The following ARHGAP39 variants were observed in gnomAD, a reference collection of about 807,000 sequenced individuals.
ARHGAP39 encodes the protein rho GTPase-activating protein 39.
Under a neutral mutation model 106.9 loss-of-function variants are expected in ARHGAP39, and 44 were observed. That is an observed-to-expected ratio of 0.41 (90% CI 0.32 to 0.53). ARHGAP39 has a LOEUF of 0.53. ARHGAP39 is among the 20% of genes least tolerant of loss of function. The probability of loss-of-function intolerance (pLI) is 0.21; values close to 1 mark genes in which losing one functional copy is unlikely to be tolerated. For synonymous variants in ARHGAP39, 768 were observed against 693.2 expected (o/e 1.11, Z -1.69); for missense variants, 1,496 against 1,577.3 (o/e 0.95, Z 0.87).
chr8:144,695,155 A>C, the ARHGAP39 span, among the ~76,000 whole-genome samples: 1 of 143,070 alleles, frequency 7.0e-6, no homozygotes, highest in Non-Finnish European at 1.5e-5. Flanking sequence ...GCTTACTGCA[A>C]GCTCCGCCTC....
chr8:144,581,389 T>G (rs11997029), intron 2 of ARHGAP39, 112 bp from the exon 3 acceptor site: 3 of 1,220,854 alleles, frequency 2.5e-6, no homozygotes, highest in Non-Finnish European at 3.4e-6. Context: ...AATCCTGTCA[T>G]AGAGGAAAGC....
intron 9 of ARHGAP39, 109 bp downstream of exon 9, chr8:144,533,017 G>A: frequency 1.5e-6 from 2 of 1,336,372 alleles, no homozygotes; most frequent in Non-Finnish European, 2.1e-6. Context: ...AGGTATGGGT[G>A]CGGAAGCAGC....
intron 1 of ARHGAP39, among the ~76,000 whole-genome samples, chr8:144,657,788 A>G (rs983940026): frequency 6.6e-5 from 10 of 152,346 alleles, no homozygotes; most frequent in Admixed American, 5.9e-4. Flanking sequence ...AAAATCCACC[A>G]TTTATTCTAA....
intron 4 of ARHGAP39, among the ~76,000 whole-genome samples, chr8:144,550,533 C>T (rs1817653051): frequency 6.6e-6 from 1 of 152,258 alleles, no homozygotes; most frequent in South Asian, 2.1e-4. Flanking sequence ...AGGCCACATT[C>T]CCCATTGCCT....
chr8:144,629,775 G>A (rs1489745936), intron 1 of ARHGAP39, among the ~76,000 whole-genome samples: 3 of 152,172 alleles, frequency 2.0e-5, no homozygotes, highest in Admixed American at 1.3e-4. Flanking sequence ...GGAAGAGGAG[G>A]AGGGCGCTGG....
intron 3 of ARHGAP39, among the ~76,000 whole-genome samples, chr8:144,568,333 CAAAAAAA>C (rs34670018): frequency 2.1e-5 from 1 of 47,294 alleles, no homozygotes; most frequent in East Asian, 9.0e-4. Context: ...GACTCTGTCT[CAAAAAAA>C]AAAAAAAAAA....
chr8:144,532,243 G>A (rs1816753951), intron 10 of ARHGAP39, 62 bp downstream of exon 10: 5 of 1,504,076 alleles, frequency 3.3e-6, no homozygotes, highest in Non-Finnish European at 4.6e-6. Flanking sequence ...CGGAGACAGG[G>A]GCCCCTGAGA....
chr8:144,627,706 C>T (rs1820961486), intron 1 of ARHGAP39, among the ~76,000 whole-genome samples: 1 of 152,010 alleles, frequency 6.6e-6, no homozygotes, highest in Admixed American at 6.6e-5. Flanking sequence ...TACAGTGAGC[C>T]GAAATGGTGC....
At chr8:144,630,782 C>T (rs1192447158) in intron 1 of ARHGAP39, among the ~76,000 whole-genome samples, 1 of 152,242 alleles carries the variant, frequency 6.6e-6, no homozygotes, top group Non-Finnish European at 1.5e-5. Flanking sequence ...CCTCCTCAGA[C>T]GCCAACCGGC....
chr8:144,619,939 CCT>C (rs761384054), intron 1 of ARHGAP39, among the ~76,000 whole-genome samples: 7 of 130,166 alleles, frequency 5.4e-5, no homozygotes, highest in East Asian at 4.9e-4. Context: ...AGCCTGTGTC[CCT>C]GAGAGCATGT....
intron 1 of ARHGAP39, among the ~76,000 whole-genome samples, chr8:144,652,944 GA>G (rs1294010666): frequency 6.6e-6 from 1 of 152,008 alleles, no homozygotes; most frequent in Non-Finnish European, 1.5e-5. Context: ...AGTAGCCAAG[GA>G]AAAGTCCAAT....
chr8:144,677,247 G>A (rs1051031641), intron 1 of ARHGAP39, among the ~76,000 whole-genome samples: 4 of 152,204 alleles, frequency 2.6e-5, no homozygotes, highest in Admixed American at 6.5e-5. Context: ...AAGCTTCTGC[G>A]TGGACGTGTA....
At chr8:144,696,158 T>A in the ARHGAP39 span, among the ~76,000 whole-genome samples, 1 of 152,070 alleles carries the variant, frequency 6.6e-6, no homozygotes, top group Non-Finnish European at 1.5e-5. Context: ...ATTTTTTTTT[T>A]AAGACAGTCT....
In ARHGAP39 at chr8:144,601,282, G is replaced by A. The variant is rs566600507; in HGVS notation, c.80+4253C>T. 1.4e-3 allele frequency among the ~76,000 whole-genome samples: 204 copies of A among 146,970 alleles called. 2 individuals carry two copies. The highest frequency in any genetic ancestry group is 5.7e-3 in the South Asian group (26 of 4,552). Reference sequence around the variant, plus strand: ...TGCTCGTGAACCTGTGTGTGTGCATGGAGGCATGCGTGCGTGCTCATGTAC... The same window carrying A: ...TGCTCGTGAACCTGTGTGTGTGCATAGAGGCATGCGTGCGTGCTCATGTAC... On this transcript the variant is annotated intron_variant, in intron 2 of 11. Coordinates refer to ENST00000377307, the MANE Select transcript of ARHGAP39 (RefSeq NM_025251.3).
At chr8:144,545,886 C>T (rs539918360) in intron 5 of ARHGAP39, 76 bp from the exon 6 acceptor site, 5 of 1,337,414 alleles carry the variant, frequency 3.7e-6, no homozygotes, top group Admixed American at 5.6e-5. Context: ...GCCACAGTCC[C>T]CAGAAGTGTG....
At chr8:144,691,094 C>A in the ARHGAP39 span, among the ~76,000 whole-genome samples, 78 of 152,298 alleles carry the variant, frequency 5.1e-4, 1 homozygote, top group East Asian at 0.014. Flanking sequence ...GCTCTTCTCC[C>A]CGAGTCTCAC....
At chr8:144,532,160 A>G (rs1404567285) in intron 10 of ARHGAP39, 145 bp downstream of exon 10, 1 of 716,588 alleles carries the variant, frequency 1.4e-6, no homozygotes, top group Non-Finnish European at 2.4e-6. Context: ...TCCAATGGGC[A>G]GAAGGGAGGA....
rs906523538 is a variant in ARHGAP39 at position 144,646,248 on chromosome 8, C to G, written c.-82+39438G>C. ...CAAACGTGTTCAACAGGGAAGAGCA[C>G]GTATGGACCAGGCCAACAGGGGGCC... On this transcript the variant is annotated intron_variant, in intron 1 of 11. Coordinates refer to ENST00000377307, the MANE Select transcript of ARHGAP39 (RefSeq NM_025251.3). The surrounding 1 kb of genome is among the most constrained non-coding windows in gnomAD (Gnocchi z 5.7). Among the ~76,000 whole-genome samples the G allele has an allele frequency of 6.6e-6, 1 of 152,082 alleles. No individual in the cohort carries two copies. Among genetic ancestry groups the G allele is most frequent in the African/African-American group, 2.4e-5 (1 of 41,420 alleles).
At position 144,580,878 on chromosome 8, in the gene ARHGAP39, C is replaced by T. The variant is rs117042905; in HGVS notation, c.480G>A (p.Ala160=). 0.055 allele frequency: 87,469 copies of T among 1,584,160 alleles called. 2,811 individuals carry two copies. Among genetic ancestry groups the T allele is most frequent in the Non-Finnish European group, 0.064 (75,015 of 1,171,178 alleles). ...QELPARAGRP[A]AFGTVKEDSG... ...TGTCCTCCTTCACTGTCCCAAACGCCGCGGGCCGCCCGGCCCTCGCTGGCA... is the reference window on the plus strand; with the variant it reads ...TGTCCTCCTTCACTGTCCCAAACGCTGCGGGCCGCCCGGCCCTCGCTGGCA... The change falls in exon 3 of 12, where the codon GCG becomes GCA. Residue 160 remains alanine (A), a synonymous_variant. Coordinates refer to ENST00000377307, the MANE Select transcript of ARHGAP39 (RefSeq NM_025251.3).
Sources: allele counts gnomAD v4.1 joint callset (sites outside exome capture counted in the v4.1 genomes callset), GRCh38; gene constraint gnomAD v4.1.1; non-coding constraint Gnocchi (gnomAD v3.1); transcripts MANE v1.5; gene names NCBI Gene and HGNC (gene_info 2026-07-23, HGNC 2026-07-21).